The following ST18 variants were observed in gnomAD, a reference collection of about 807,000 sequenced individuals.
ST18 encodes suppression of tumorigenicity 18 protein.
ST18 carries 50 observed loss-of-function variants against 110.0 expected under a neutral mutation model. The observed-to-expected ratio is 0.45, with a 90% confidence interval of 0.36 to 0.58. The LOEUF (loss-of-function observed/expected upper bound fraction) is 0.58. ST18 is among the 20% of genes least tolerant of loss of function. The probability of loss-of-function intolerance (pLI) is 0.00; values close to 1 mark genes in which losing one functional copy is unlikely to be tolerated. For missense variants in ST18, 1,306 were observed against 1,280.1 expected (o/e 1.02, Z -0.31); for synonymous variants, 461 against 452.4 (o/e 1.02, Z -0.24).
intron 2 of ST18, among the ~76,000 whole-genome samples, chr8:52,263,743 C>CT (rs755461916): frequency 0.048 from 4,506 of 94,576 alleles, 489 homozygotes; most frequent in African/African-American, 0.12. Flanking sequence ...CAGTGCCTGG[C>CT]TTTTTTTTTT....
At chr8:52,207,816 T>C (rs1304174627) in intron 8 of ST18, among the ~76,000 whole-genome samples, 1 of 152,190 alleles carries the variant, frequency 6.6e-6, no homozygotes, top group Non-Finnish European at 1.5e-5. Context: ...TTTTCCTAAT[T>C]AGAGGAAGGG....
At chr8:52,191,978 CCAGAG>C (rs2074656110) in intron 8 of ST18, among the ~76,000 whole-genome samples, 1 of 152,102 alleles carries the variant, frequency 6.6e-6, no homozygotes, top group Non-Finnish European at 1.5e-5. Flanking sequence ...AGGGCATTTA[CCAGAG>C]GAGGCATTAA....
At chr8:52,331,700 G>T (rs1263266960) in intron 2 of ST18, among the ~76,000 whole-genome samples, 1 of 152,116 alleles carries the variant, frequency 6.6e-6, no homozygotes, top group Non-Finnish European at 1.5e-5. Flanking sequence ...TTTTTAAACT[G>T]GTCCTTCATG....
intron 2 of ST18, among the ~76,000 whole-genome samples, chr8:52,232,224 A>C (rs1289038940): frequency 6.6e-6 from 1 of 152,222 alleles, no homozygotes; most frequent in African/African-American, 2.4e-5. Flanking sequence ...ATTGAAGTAC[A>C]TTCTCAGAAC....
chr8:52,210,000 G>A (rs1466580467), intron 8 of ST18: 1 of 453,148 alleles, frequency 2.2e-6, no homozygotes, highest in Non-Finnish European at 4.4e-6. Flanking sequence ...ATTCTCTTGA[G>A]TAAAAGTTGT....
At chr8:52,284,806 A>AC (rs1267216333) in intron 2 of ST18, among the ~76,000 whole-genome samples, 3 of 151,756 alleles carry the variant, frequency 2.0e-5, no homozygotes, top group Admixed American at 2.0e-4. Flanking sequence ...GAGAAATATA[A>AC]CCCCCGCCAC....
intron 2 of ST18, among the ~76,000 whole-genome samples, chr8:52,346,221 TA>T (rs1817714613): frequency 6.6e-6 from 1 of 150,966 alleles, no homozygotes; most frequent in South Asian, 2.1e-4. Flanking sequence ...TAAACGAAAA[TA>T]AGAGGACTCT....
In ST18 at chr8:52,172,521, T is replaced by C. The variant is rs2065335841; in HGVS notation, c.340A>G (p.Arg114Gly). Residue 114 changes from arginine (R) to glycine (G), a missense_variant, in exon 10 of 26, where the codon AGG becomes GGG. Transcript: ENST00000689386. Reference sequence around the variant, plus strand: ...TAACAAGAGTATCTGTCTTCCTTCCTACTGGAGTTTTCTTGTGCAGTTGAA... The same window carrying C: ...TAACAAGAGTATCTGTCTTCCTTCCCACTGGAGTTTTCTTGTGCAGTTGAA... ...LLSTAQENSSRKEDRYSCYQE... is the reference protein window; with the variant it reads ...LLSTAQENSSGKEDRYSCYQE... The C allele has an allele frequency of 6.2e-7, 1 of 1,611,686 alleles. No homozygotes were observed. Among genetic ancestry groups the C allele is most frequent in the Non-Finnish European group, 8.5e-7 (1 of 1,179,506 alleles).
chr8:52,133,068 G>T lies in ST18; in HGVS notation c.2433C>A (p.Asp811Glu). ...ACTGTTGCACTTACTTCAGTTCAGG[G>T]TCTTCTTTTTCTTCCTTGGTAGGGG... ...KMTPTKEEKE[D>E]PELKCPVIGC... is the part of the protein sequence containing the mutation. The change falls in exon 21 of 26, where the codon GAC becomes GAA. Residue 811 changes from aspartate to glutamate, a missense_variant. By Grantham distance (45) the Asp-to-Glu change is conservative. Coordinates refer to ENST00000689386, the MANE Select transcript of ST18 (RefSeq NM_001352837.2). The T allele has an allele frequency of 6.2e-7, 1 of 1,614,114 alleles. No homozygotes were observed. Among genetic ancestry groups the T allele is most frequent in the Non-Finnish European group, 8.5e-7 (1 of 1,180,028 alleles).
intron 2 of ST18, among the ~76,000 whole-genome samples, chr8:52,281,938 C>A (rs1307308518): frequency 6.6e-6 from 1 of 152,116 alleles, no homozygotes; most frequent in African/African-American, 2.4e-5. Flanking sequence ...ACATTGGGTA[C>A]AACGTACACT....
At chr8:52,179,281 G>A (rs1031845923) in intron 9 of ST18, among the ~76,000 whole-genome samples, 1 of 152,146 alleles carries the variant, frequency 6.6e-6, no homozygotes, top group African/African-American at 2.4e-5. Context: ...AGGAACTAAT[G>A]TGAATAACAT....
At chr8:52,150,004 C>T (rs1563702729) in intron 15 of ST18, 27 bp from the exon 16 acceptor site, 2 of 1,597,718 alleles carry the variant, frequency 1.3e-6, no homozygotes, top group Non-Finnish European at 1.7e-6. Flanking sequence ...AACAGAAAAA[C>T]ATTTAAGCAG....
chr8:52,347,739 C>A (rs1297157640), intron 2 of ST18, among the ~76,000 whole-genome samples: 3 of 152,092 alleles, frequency 2.0e-5, no homozygotes, highest in African/African-American at 7.2e-5. Context: ...AATGAAGAAG[C>A]TGAGGCACAG....
chr8:52,385,539 G>T (rs1355047230), intron 2 of ST18, among the ~76,000 whole-genome samples: 1 of 150,422 alleles, frequency 6.6e-6, no homozygotes, highest in Non-Finnish European at 1.5e-5. Flanking sequence ...GGCGGAGGTT[G>T]CAGTGAGCCA....
At chr8:52,248,495 A>C (rs1246634042) in intron 2 of ST18, 1 of 152,208 alleles carries the variant, frequency 6.6e-6, no homozygotes, top group Admixed American at 6.5e-5. Context: ...GTCTTGTAAC[A>C]ATATCATCCT....
chr8:52,226,730 C>A (rs1027781521), intron 3 of ST18, among the ~76,000 whole-genome samples: 1 of 152,192 alleles, frequency 6.6e-6, no homozygotes, highest in Non-Finnish European at 1.5e-5. Flanking sequence ...TAAATCTATA[C>A]TAAACAACCT....
At chr8:52,196,799 T>C (rs11782905) in intron 8 of ST18, among the ~76,000 whole-genome samples, 151,497 of 152,248 alleles carry the variant, frequency 1, 75,377 homozygotes, top group East Asian at 1. Context: ...AATTAACCCT[T>C]TAGGAGAAGG....
At chr8:52,308,236 G>T (rs1232724645) in intron 2 of ST18, among the ~76,000 whole-genome samples, 1 of 152,128 alleles carries the variant, frequency 6.6e-6, no homozygotes, top group Non-Finnish European at 1.5e-5. Flanking sequence ...AAACCACATC[G>T]GCTGTGAGCA....
rs79464905 is a variant in ST18, at chr8:52,346,972, A to G, written c.-465+62356T>C. Reference sequence around the variant, plus strand: ...AAACAAAACCATGGTCTAAGTAAAAAGCAATTTAAACTGTGGTTTCATTTG... The same window carrying G: ...AAACAAAACCATGGTCTAAGTAAAAGGCAATTTAAACTGTGGTTTCATTTG... On this transcript the variant is annotated intron_variant, in intron 2 of 25. Transcript: ENST00000689386. 1.3e-3 allele frequency among the ~76,000 whole-genome samples: 197 copies of G among 152,324 alleles called. 1 individual carries two copies. The East Asian group carries it at 0.035, about 27-fold the overall frequency.
Sources: allele counts gnomAD v4.1 joint callset (sites outside exome capture counted in the v4.1 genomes callset), GRCh38; gene constraint gnomAD v4.1.1; transcripts MANE v1.5; gene names NCBI Gene and HGNC (gene_info 2026-07-23, HGNC 2026-07-21).